The following CNTNAP5 variants were observed in gnomAD, a reference collection of about 807,000 sequenced individuals.
CNTNAP5 encodes the protein contactin-associated protein-like 5.
A neutral mutation model predicts 150.2 loss-of-function variants in CNTNAP5; 72 were observed. The observed-to-expected ratio is 0.48, with a 90% CI of 0.40 to 0.58. The LOEUF is 0.58. Ranked by LOEUF, CNTNAP5 falls within the 20% of genes least tolerant of loss-of-function variation. The pLI is 0.00. For synonymous variants in CNTNAP5, 672 were observed against 619.8 expected, an observed-to-expected ratio of 1.08 and a Z score of -1.25; for missense variants, 1,636 against 1,626.2, an observed-to-expected ratio of 1.01 and a Z score of -0.10.
At chr2:124,744,354 T>A (rs534869356) in intron 13 of CNTNAP5, among the ~76,000 whole-genome samples, 1 of 152,332 alleles carries the variant, frequency 6.6e-6, no homozygotes, top group East Asian at 1.9e-4. Context: ...GATGGAATTG[T>A]GAGTCCATTA....
chr2:124,507,763 G>C (rs1344223146), intron 8 of CNTNAP5, among the ~76,000 whole-genome samples: 1 of 152,184 alleles, frequency 6.6e-6, no homozygotes, highest in Non-Finnish European at 1.5e-5. Flanking sequence ...GCTTTGCAGG[G>C]CTACTTCTTT....
At chr2:124,615,278 G>A (rs1005340140) in intron 12 of CNTNAP5, among the ~76,000 whole-genome samples, 1 of 152,212 alleles carries the variant, frequency 6.6e-6, no homozygotes, top group East Asian at 1.9e-4. Context: ...TTCACCCACA[G>A]TAGAACTTCT....
chr2:124,853,653 A>AT (rs199815942), intron 19 of CNTNAP5, among the ~76,000 whole-genome samples: 1 of 151,816 alleles, frequency 6.6e-6, no homozygotes, highest in Admixed American at 6.6e-5. Flanking sequence ...ACCTCCACGC[A>AT]TTTTTTTTAA....
intron 10 of CNTNAP5, among the ~76,000 whole-genome samples, chr2:124,529,750 C>T (rs1395906428): frequency 6.6e-6 from 1 of 152,108 alleles, no homozygotes; most frequent in Non-Finnish European, 1.5e-5. Context: ...GTTTTCCTTA[C>T]CTGGACTGCT....
Position 124,312,278 on chromosome 2 carries a change from C to G in CNTNAP5, c.381+69885C>G, listed in dbSNP as rs866204996. On this transcript the variant is annotated intron_variant, in intron 3 of 23. Transcript: ENST00000682447. ...AGGTTAGAGATATATGGGATTGAGT[C>G]AAAAGTGAGTTTTGCAAGTGAGTAA... 2.6e-5 allele frequency among the ~76,000 whole-genome samples: 4 copies of G among 152,318 alleles called. No homozygotes were observed. The Middle Eastern group carries it at 0.014, about 518-fold the overall frequency.
chr2:124,134,974 G>T (rs898153707), intron 1 of CNTNAP5: 1 of 152,154 alleles, frequency 6.6e-6, no homozygotes, highest in South Asian at 2.1e-4. Context: ...TATACAGATT[G>T]TTGGGAGAAT....
rs1011867827 is a variant in CNTNAP5, at chr2:124,655,544, T to C, written c.2077+7586T>C. Among the ~76,000 whole-genome samples the C allele has an allele frequency of 2.8e-3, 230 of 82,260 alleles. 1 individual carries two copies. The highest frequency in any genetic ancestry group is 0.014 in the African/African-American group (226 of 15,976). The allele number at this position is 82,260 out of a possible 152,430, so 54.0% of individuals were successfully genotyped here. On this transcript the variant is annotated intron_variant, in intron 13 of 23. Transcript: ENST00000682447. ...GATTTCTGCATCAAATGATTATATA[T>C]ATATATATATATATATTTACCAAAA...
chr2:124,315,098 G>A lies in CNTNAP5; in HGVS notation c.381+72705G>A, dbSNP rs191166425. Reference sequence around the variant, plus strand: ...GGGCTCAAGCCTCCCTAGTAGCTGAGACTCCAGGCACATGCCACCATGCCT... The same window carrying A: ...GGGCTCAAGCCTCCCTAGTAGCTGAAACTCCAGGCACATGCCACCATGCCT... On this transcript the variant is annotated intron_variant, in intron 3 of 23. Transcript: ENST00000682447. Among the ~76,000 whole-genome samples, 966 of 151,910 alleles carry A rather than the reference G, an allele frequency of 6.4e-3. 13 individuals are homozygous for A. The highest frequency in any genetic ancestry group is 0.021 in the African/African-American group (884 of 41,448).
At position 124,268,518 on chromosome 2, in the gene CNTNAP5, C is replaced by A. The variant is rs187164277; in HGVS notation, c.381+26125C>A. Among the ~76,000 whole-genome samples the A allele has an allele frequency of 3.2e-4, 49 of 152,302 alleles. No individual in the cohort carries two copies. In the East Asian group the frequency reaches 9.1e-3, roughly 28 times the overall value. The stretch of plus-strand genomic sequence containing the variant: ...GGGCCAAATCGTAAATAGAGGCCTA[C>A]CTACCATATGCTTACTTAGGTAAAT... On this transcript the variant is annotated intron_variant, in intron 3 of 23. Coordinates refer to ENST00000682447, the MANE Select transcript of CNTNAP5 (RefSeq NM_001367498.1).
intron 13 of CNTNAP5, among the ~76,000 whole-genome samples, chr2:124,701,120 A>G (rs1679512519): frequency 6.6e-6 from 1 of 152,012 alleles, no homozygotes; most frequent in African/African-American, 2.4e-5. Context: ...GTCCTCCTGC[A>G]TGGCTGCTGC....
At chr2:124,242,031 A>T (rs1686899229) in intron 2 of CNTNAP5, among the ~76,000 whole-genome samples, 169 bp from the exon 3 acceptor site, 1 of 152,156 alleles carries the variant, frequency 6.6e-6, no homozygotes, top group African/African-American at 2.4e-5. Context: ...ATGGAGGTGG[A>T]GAATGGAAAG....
intron 3 of CNTNAP5, among the ~76,000 whole-genome samples, chr2:124,352,376 CA>C (rs1216786964): frequency 6.6e-6 from 1 of 152,138 alleles, no homozygotes; most frequent in African/African-American, 2.4e-5. Context: ...AACCATTTCA[CA>C]CACATAGAAC....
chr2:124,463,023 G>A (rs1462037125), intron 6 of CNTNAP5, among the ~76,000 whole-genome samples: 1 of 152,128 alleles, frequency 6.6e-6, no homozygotes, highest in African/African-American at 2.4e-5. Context: ...TCTGGAAGGC[G>A]GTGGCAACCT....
intron 5 of CNTNAP5, among the ~76,000 whole-genome samples, chr2:124,436,948 C>T (rs902234121): frequency 2.0e-5 from 3 of 152,134 alleles, no homozygotes; most frequent in African/African-American, 7.2e-5. Context: ...TCTTAAATAG[C>T]ATAAGTTTCT....
At chr2:124,576,482 A>G (rs1248164266) in intron 11 of CNTNAP5, among the ~76,000 whole-genome samples, 1 of 152,218 alleles carries the variant, frequency 6.6e-6, no homozygotes, top group East Asian at 1.9e-4. Context: ...TATGCAGATT[A>G]GGGATACCTG....
chr2:124,746,162 A>G (rs943371702), intron 13 of CNTNAP5, among the ~76,000 whole-genome samples: 3 of 152,190 alleles, frequency 2.0e-5, no homozygotes, highest in African/African-American at 7.2e-5. Flanking sequence ...CCTGTTGTAT[A>G]TCAATCACAA....
intron 19 of CNTNAP5, among the ~76,000 whole-genome samples, chr2:124,812,365 C>T (rs910915395): frequency 9.9e-5 from 15 of 150,884 alleles, no homozygotes; most frequent in African/African-American, 3.2e-4. Flanking sequence ...CCCCCAACCC[C>T]CCAGTGATCA....
chr2:124,297,587 T>C (rs1042920910), intron 3 of CNTNAP5, among the ~76,000 whole-genome samples: 2 of 152,066 alleles, frequency 1.3e-5, no homozygotes, highest in African/African-American at 4.8e-5. Flanking sequence ...ATCTTTTTTC[T>C]CTTTTTTCTA....
chr2:124,918,989 T>G lies in CNTNAP5; in HGVS notation c.*4701T>G, dbSNP rs1678821528. Among the ~76,000 whole-genome samples, 2 of 152,102 alleles carry G rather than the reference T, an allele frequency of 1.3e-5. No homozygotes were observed. The highest frequency in any genetic ancestry group is 1.3e-4 in the Admixed American group (2 of 15,252). On this transcript the variant is annotated 3_prime_UTR_variant, in exon 24 of 24. Coordinates refer to ENST00000682447, the MANE Select transcript of CNTNAP5 (RefSeq NM_001367498.1). ...CTATATACTGTTCTTGAGTCTTTCT[T>G]GACCTCTTCTTTTATCCCCTCTTTC...
Sources: gnomAD v4.1 joint callset for allele counts (sites outside exome capture counted in the v4.1 genomes callset) on GRCh38, gnomAD v4.1.1 for gene constraint, MANE v1.5 for transcripts, NCBI Gene and HGNC (gene_info 2026-07-23, HGNC 2026-07-21) for gene names.